CAMKMT: variants seen among roughly 807,000 people sequenced by gnomAD.
CAMKMT encodes calmodulin-lysine N-methyltransferase, also known as CaM KMT.
A neutral mutation model predicts 48.0 loss-of-function variants in CAMKMT; 53 were observed. The observed-to-expected ratio is 1.10, with a 90% confidence interval of 0.89 to 1.39. The LOEUF is 1.39. Ranked by LOEUF, CAMKMT falls within the 40% of genes most tolerant of loss-of-function variation. The pLI is 0.00. For synonymous variants in CAMKMT, 165 were observed against 152.3 expected, an observed-to-expected ratio of 1.08 and a Z score of -0.61; for missense variants, 428 against 402.7, an observed-to-expected ratio of 1.06 and a Z score of -0.54.
At chr2:44,520,814 G>T (rs1024901346) in intron 3 of CAMKMT, among the ~76,000 whole-genome samples, 1 of 152,090 alleles carries the variant, frequency 6.6e-6, no homozygotes, top group Non-Finnish European at 1.5e-5. Context: ...TGCTATTCTC[G>T]TGATAATGAG....
chr2:44,571,858 T>A (rs1008176442), intron 3 of CAMKMT, among the ~76,000 whole-genome samples: 2 of 152,084 alleles, frequency 1.3e-5, no homozygotes. Flanking sequence ...AAATAACAGT[T>A]ATTACTTGCA....
At chr2:44,708,693 C>G (rs1352310967) in intron 6 of CAMKMT, among the ~76,000 whole-genome samples, 1 of 152,052 alleles carries the variant, frequency 6.6e-6, no homozygotes, top group Non-Finnish European at 1.5e-5. Flanking sequence ...ATTCACTCTG[C>G]TTTATTCTGA....
At chr2:44,403,467 A>T (rs1399797976) in intron 3 of CAMKMT, among the ~76,000 whole-genome samples, 2 of 152,098 alleles carry the variant, frequency 1.3e-5, no homozygotes, top group African/African-American at 4.8e-5. Flanking sequence ...TTGTAAGTAG[A>T]TTTTCAACAA....
intron 6 of CAMKMT, among the ~76,000 whole-genome samples, chr2:44,712,200 G>T (rs1343723461): frequency 6.6e-6 from 1 of 151,604 alleles, no homozygotes; most frequent in Admixed American, 6.6e-5. Context: ...AATGAATAGG[G>T]TTTATATTAT....
intron 3 of CAMKMT, among the ~76,000 whole-genome samples, chr2:44,527,764 CCCT>C (rs1666232462): frequency 6.9e-6 from 1 of 145,622 alleles, no homozygotes; most frequent in Admixed American, 7.2e-5. Context: ...CCTCATGACC[CCCT>C]CCTCCCACAT....
intron 3 of CAMKMT, among the ~76,000 whole-genome samples, chr2:44,533,259 A>G (rs896883692): frequency 1.1e-4 from 16 of 149,928 alleles, no homozygotes; most frequent in African/African-American, 3.7e-4. Context: ...TTTTTTTGAG[A>G]CAGAGTTTCT....
chr2:44,430,285 C>G (rs1373883180), intron 3 of CAMKMT, among the ~76,000 whole-genome samples: 1 of 151,608 alleles, frequency 6.6e-6, no homozygotes, highest in East Asian at 1.9e-4. Context: ...CTTTAGCAGC[C>G]CTGAAGAGTT....
chr2:44,595,962 G>A lies in CAMKMT; in HGVS notation c.377-108321G>A, dbSNP rs571496404. ...GAACACATGAACATGGGGCTGGGGG[G>A]GCATCACACACTGGGGCCTGATGGG... On this transcript the variant is annotated intron_variant, in intron 3 of 10. Transcript: ENST00000378494. Among the ~76,000 whole-genome samples, 543 of 151,640 alleles carry A rather than the reference G, an allele frequency of 3.6e-3. 3 individuals carry two copies. Among genetic ancestry groups the A allele is most frequent in the Non-Finnish European group, 5.4e-3 (369 of 67,880 alleles).
rs146717714 is a variant in CAMKMT at position 44,760,037 on chromosome 2, C to T, written c.762+5919C>T. Among the ~76,000 whole-genome samples the T allele has an allele frequency of 6.0e-3, 918 of 152,210 alleles. 5 individuals are homozygous for T. Among genetic ancestry groups the T allele is most frequent in the Non-Finnish European group, 9.8e-3 (667 of 68,018 alleles). On this transcript the variant is annotated intron_variant, in intron 9 of 10. Coordinates refer to ENST00000378494, the MANE Select transcript of CAMKMT (RefSeq NM_024766.5). The stretch of plus-strand genomic sequence containing the variant: ...GCTTGGCACTGACGCCATTCCTATG[C>T]GCTGAGGAATGTGGGCTAGGAGAAT...
intron 3 of CAMKMT, among the ~76,000 whole-genome samples, chr2:44,538,891 A>C (rs2104848222): frequency 6.6e-6 from 1 of 151,952 alleles, no homozygotes; most frequent in South Asian, 2.1e-4. Flanking sequence ...TTTATTATAT[A>C]CCAAATAATT....
chr2:44,470,429 T>C (rs2104648465), intron 3 of CAMKMT, among the ~76,000 whole-genome samples: 1 of 152,326 alleles, frequency 6.6e-6, no homozygotes, highest in East Asian at 1.9e-4. Context: ...TCATTTTCAG[T>C]TGCTGTTCTC....
chr2:44,711,349 T>C (rs1335672217), intron 6 of CAMKMT, among the ~76,000 whole-genome samples: 1 of 152,226 alleles, frequency 6.6e-6, no homozygotes, highest in Non-Finnish European at 1.5e-5. Context: ...ATAGGTCTAG[T>C]ACCTATCCTT....
intron 3 of CAMKMT, among the ~76,000 whole-genome samples, chr2:44,631,885 G>A (rs1672853855): frequency 6.6e-6 from 1 of 151,772 alleles, no homozygotes; most frequent in South Asian, 2.1e-4. Flanking sequence ...TGTTCCCTAA[G>A]GTTTAAACTA....
At chr2:44,713,694 C>G (rs1011051323) in intron 6 of CAMKMT, among the ~76,000 whole-genome samples, 1 of 152,040 alleles carries the variant, frequency 6.6e-6, no homozygotes, top group Non-Finnish European at 1.5e-5. Flanking sequence ...CAACAAAGCC[C>G]TTCATTAGCA....
At chr2:44,499,646 G>A (rs1345241212) in intron 3 of CAMKMT, among the ~76,000 whole-genome samples, 1 of 152,180 alleles carries the variant, frequency 6.6e-6, no homozygotes, top group Non-Finnish European at 1.5e-5. Context: ...CCTGTGACAA[G>A]CCTGGTGAGT....
chr2:44,481,829 A>G (rs1428197492), intron 3 of CAMKMT, among the ~76,000 whole-genome samples: 1 of 152,044 alleles, frequency 6.6e-6, no homozygotes, highest in Non-Finnish European at 1.5e-5. Flanking sequence ...GCTAAAATAT[A>G]TTTTTAGGTA....
In CAMKMT at chr2:44,727,516, C is replaced by A. The variant is rs527284700; in HGVS notation, c.623+12163C>A. Among the ~76,000 whole-genome samples the A allele has an allele frequency of 5.9e-5, 9 of 152,296 alleles. 1 individual carries two copies. The South Asian group carries it at 1.7e-3, about 28-fold the overall frequency. On this transcript the variant is annotated intron_variant, in intron 7 of 10. Transcript: ENST00000378494. ...TTTATCAATTCTAGGAGCCTTTTGGCAGAGTCTTTAGGATTTTCTAAGTAT... is the reference window on the plus strand; with the variant it reads ...TTTATCAATTCTAGGAGCCTTTTGGAAGAGTCTTTAGGATTTTCTAAGTAT...
At chr2:44,609,827 A>G (rs377644607) in intron 3 of CAMKMT, among the ~76,000 whole-genome samples, 1 of 152,322 alleles carries the variant, frequency 6.6e-6, no homozygotes, top group African/African-American at 2.4e-5. Flanking sequence ...CTCCTGCTGA[A>G]TTGATGATTA....
intron 3 of CAMKMT, among the ~76,000 whole-genome samples, chr2:44,395,560 G>A (rs1409315924): frequency 6.6e-6 from 1 of 152,092 alleles, no homozygotes; most frequent in Non-Finnish European, 1.5e-5. Context: ...GAAGGTACAT[G>A]GGATATGAAG....
Sources: allele counts gnomAD v4.1 joint callset (sites outside exome capture counted in the v4.1 genomes callset), GRCh38; gene constraint gnomAD v4.1.1; transcripts MANE v1.5; gene names NCBI Gene and HGNC (gene_info 2026-07-23, HGNC 2026-07-21).